SACS: variants seen among roughly 807,000 people sequenced by gnomAD.
SACS encodes sacsin.
SACS carries 197 observed loss-of-function variants against 348.0 expected under a neutral mutation model. The observed-to-expected ratio is 0.57, with a 90% CI of 0.50 to 0.64. The LOEUF is 0.64. Ranked by LOEUF, SACS falls within the 30% of genes least tolerant of loss-of-function variation. The probability of loss-of-function intolerance (pLI) is 0.00; values close to 1 mark genes in which losing one functional copy is unlikely to be tolerated. For synonymous variants in SACS, 1,985 were observed against 1,910.6 expected, an observed-to-expected ratio of 1.04 and a Z score of -1.02; for missense variants, 4,999 against 5,360.8, an observed-to-expected ratio of 0.93 and a Z score of 2.11.
At position 23,334,048 on chromosome 13, in the gene SACS, T is replaced by A. The variant is rs1411238144; in HGVS notation, c.9828A>T (p.Lys3276Asn). Residue 3276 changes from lysine to asparagine, a missense_variant, in exon 10 of 10, where the codon AAA becomes AAT. Lys to Asn is a moderately conservative substitution (Grantham distance 94). Coordinates refer to ENST00000382292, the MANE Select transcript of SACS (RefSeq NM_014363.6). ...TTGTTCCTGGAAGCAATGCCCAGTCTTTTAGAGTATCAACAACAATGTCAA... is the reference window on the plus strand; with the variant it reads ...TTGTTCCTGGAAGCAATGCCCAGTCATTTAGAGTATCAACAACAATGTCAA... ...PTFDIVVDTL[K>N]DWALLPGTKF... The A allele has an allele frequency of 1.2e-6, 2 of 1,613,844 alleles. No individual in the cohort carries two copies. The highest frequency in any genetic ancestry group is 3.3e-5 in the Admixed American group (2 of 59,992).
chr13:23,394,903 C>T (rs1279666739), intron 2 of SACS, among the ~76,000 whole-genome samples: 1 of 152,210 alleles, frequency 6.6e-6, no homozygotes, highest in Non-Finnish European at 1.5e-5. Flanking sequence ...CTCATCTTAT[C>T]ATTGGATCCT....
chr13:23,375,280 C>T lies in SACS; in HGVS notation c.21-11G>A, dbSNP rs535843172. The T allele has an allele frequency of 2.4e-5, 35 of 1,442,474 alleles. 1 individual carries two copies. The South Asian group carries it at 4.8e-4, about 20-fold the overall frequency. 89.4% of individuals were successfully genotyped at this position (1,442,474 alleles called of 1,614,324 possible). On this transcript the variant is annotated splice_polypyrimidine_tract_variant and intron_variant, in intron 2 of 9. Coordinates refer to ENST00000382292, the MANE Select transcript of SACS (RefSeq NM_014363.6). ...GTCACCGGGACCCACCTGTGGAAAG[C>T]AGAGGGACGCTCAGTCGGGCTGCGG... is the stretch of plus-strand genomic sequence containing the variant.
At chr13:23,357,113 T>A (rs1489236779) in intron 7 of SACS, among the ~76,000 whole-genome samples, 1 of 152,180 alleles carries the variant, frequency 6.6e-6, no homozygotes, top group Non-Finnish European at 1.5e-5. Flanking sequence ...CACACAAATG[T>A]GCTTATTCTC....
At chr13:23,353,931 T>TAA in intron 8 of SACS, 55 bp from the exon 9 acceptor site, 1 of 1,038,000 alleles carries the variant, frequency 9.6e-7, no homozygotes, top group Non-Finnish European at 1.5e-6. Flanking sequence ...TCCAAGATTT[T>TAA]AAAAAAACAA....
intron 2 of SACS, among the ~76,000 whole-genome samples, chr13:23,395,137 A>T (rs905821478): frequency 7.7e-6 from 1 of 129,228 alleles, no homozygotes; most frequent in African/African-American, 2.5e-5. Flanking sequence ...TTCCCTGTTT[A>T]TTAAATATGG....
At chr13:23,423,550 T>C (rs903825369) in intron 1 of SACS, among the ~76,000 whole-genome samples, 2 of 152,184 alleles carry the variant, frequency 1.3e-5, no homozygotes, top group Non-Finnish European at 2.9e-5. Flanking sequence ...GTAATGACAT[T>C]GCAGAGATTA....
At chr13:23,393,688 T>C (rs1374550728) in intron 2 of SACS, among the ~76,000 whole-genome samples, 1 of 152,240 alleles carries the variant, frequency 6.6e-6, no homozygotes, top group Non-Finnish European at 1.5e-5. Context: ...TTCTGAGTGA[T>C]AGGAGTGTCT....
chr13:23,406,111 G>T (rs2137944203), intron 2 of SACS, among the ~76,000 whole-genome samples: 1 of 152,284 alleles, frequency 6.6e-6, no homozygotes, highest in South Asian at 2.1e-4. Context: ...GTTCACAATA[G>T]CAAAGATTGG....
At position 23,329,249 on chromosome 13, in the gene SACS, G is replaced by C. The variant is rs1314813467; in HGVS notation, c.*887C>G. ...CACTACATGCCATATTGAAAGAAAA[G>C]GTTGTTTTTTTTTTAACTGCAGCAC... On this transcript the variant is annotated 3_prime_UTR_variant, in exon 10 of 10. Transcript: ENST00000382292. The C allele has an allele frequency of 1.9e-6, 1 of 514,332 alleles. No homozygotes were observed. Among genetic ancestry groups the C allele is most frequent in the Non-Finnish European group, 3.4e-6 (1 of 292,748 alleles). The allele number at this position is 514,332 out of a possible 1,614,324, so 31.9% of individuals were successfully genotyped here. A position where few individuals can be genotyped will look rare whatever the true frequency, so the allele number is the denominator to read the frequency against.
Position 23,332,011 on chromosome 13 carries a change from A to G in SACS, c.11865T>C (p.His3955=), listed in dbSNP as rs776164773. The change falls in exon 10 of 10, where the codon CAT becomes CAC. Residue 3955 remains histidine (H), a synonymous_variant. Transcript: ENST00000382292. ...GCATTATCAACTTAGTGTGAAATCC[A>G]TGGTCTTTCCCTAAGTAGCACTGGC... ...DLSQCYLGKD[H]GFHTKLIMLF... is the part of the protein sequence containing the mutation. The G allele has an allele frequency of 4.3e-6, 7 of 1,614,118 alleles. No individual in the cohort carries two copies. In the South Asian group the frequency reaches 7.7e-5, roughly 18 times the overall value.
Position 23,358,369 on chromosome 13 carries a change from A to G in SACS, c.570T>C (p.Phe190=). The change falls in exon 7 of 10, where the codon TTT becomes TTC. Residue 190 remains phenylalanine (F), a synonymous_variant. Coordinates refer to ENST00000382292, the MANE Select transcript of SACS (RefSeq NM_014363.6). ...KKDDPLKVGR[F]GIGFNSVYHI... The stretch of plus-strand genomic sequence containing the variant: ...GATAGACAGAATTAAACCCAATTCC[A>G]AATCTTCCGACCTTCAGAGGATCAT... 6.2e-7 allele frequency: 1 copy of G among 1,614,228 alleles called. No homozygotes were observed. Among genetic ancestry groups the G allele is most frequent in the South Asian group, 1.1e-5 (1 of 91,090 alleles).
At position 23,415,232 on chromosome 13, in the gene SACS, A is replaced by G. The variant is rs143756612; in HGVS notation, c.-501-3492T>C. ...TTTTTAGTAGAGACAGGGTTTCACTATGTTAGCCAGGCTGCTCTCGAACTT... is the reference window on the plus strand; with the variant it reads ...TTTTTAGTAGAGACAGGGTTTCACTGTGTTAGCCAGGCTGCTCTCGAACTT... On this transcript the variant is annotated intron_variant, in intron 1 of 9. Transcript: ENST00000382292. Among the ~76,000 whole-genome samples the G allele has an allele frequency of 2.6e-3, 394 of 152,168 alleles. 4 individuals are homozygous for G. Among genetic ancestry groups the G allele is most frequent in the East Asian group, 0.02 (104 of 5,180 alleles).
At chr13:23,348,983 G>A (rs114328115) in intron 9 of SACS, among the ~76,000 whole-genome samples, 4,270 of 152,172 alleles carry the variant, frequency 0.028, 203 homozygotes, top group African/African-American at 0.097. Context: ...AGAAGAGGGC[G>A]CTTGCATGCA....
intron 1 of SACS, among the ~76,000 whole-genome samples, chr13:23,420,868 T>G (rs1873910537): frequency 6.6e-6 from 1 of 152,088 alleles, no homozygotes; most frequent in Non-Finnish European, 1.5e-5. Flanking sequence ...TGGGGCCGGA[T>G]TGTCCATCAG....
In SACS at chr13:23,338,477, T is replaced by C; in HGVS notation, c.5399A>G (p.Gln1800Arg). The C allele has an allele frequency of 6.2e-7, 1 of 1,614,180 alleles. No individual in the cohort carries two copies. Among genetic ancestry groups the C allele is most frequent in the Non-Finnish European group, 8.5e-7 (1 of 1,180,016 alleles). ...AALFEMAKSG[Q>R]SKKPSDELSQ... ...CAACTCATCTGATGGCTTTTTTGAT[T>C]GGCCAGACTTAGCCATTTCAAAGAG... Residue 1800 changes from glutamine to arginine, a missense_variant, in exon 10 of 10, where the codon CAA becomes CGA. Gln to Arg is a conservative substitution (Grantham distance 43). Around this residue, in one of 6 missense-constraint regions of SACS, gnomAD observed 3,156 missense variants for 3,380.1 expected, o/e 0.93. Coordinates refer to ENST00000382292, the MANE Select transcript of SACS (RefSeq NM_014363.6).
chr13:23,373,121 G>T (rs1286348711), intron 3 of SACS, among the ~76,000 whole-genome samples: 1 of 152,154 alleles, frequency 6.6e-6, no homozygotes, highest in East Asian at 1.9e-4. Context: ...ACATCTAGGG[G>T]ACAAGATGAT....
At chr13:23,420,946 CCACTT>C (rs1474391237) in intron 1 of SACS, among the ~76,000 whole-genome samples, 2 of 151,976 alleles carry the variant, frequency 1.3e-5, no homozygotes, top group African/African-American at 4.8e-5. Flanking sequence ...GGCCTGACAT[CCACTT>C]GGGTGTTGGT....
chr13:23,387,800 C>T (rs1426927690), intron 2 of SACS, among the ~76,000 whole-genome samples: 1 of 152,124 alleles, frequency 6.6e-6, no homozygotes, highest in Non-Finnish European at 1.5e-5. Context: ...TTTTTTATTA[C>T]AACATGATCT....
chr13:23,411,111 A>T, intron 2 of SACS, 109 bp downstream of exon 2: 1 of 884,700 alleles, frequency 1.1e-6, no homozygotes, highest in Non-Finnish European at 1.9e-6. Context: ...GTTCACTTTT[A>T]CCTCTCGAGT....
Sources: allele counts gnomAD v4.1 joint callset (sites outside exome capture counted in the v4.1 genomes callset), GRCh38; gene constraint gnomAD v4.1.1; regional missense constraint gnomAD v4.1.1; transcripts MANE v1.5; gene names NCBI Gene and HGNC (gene_info 2026-07-23, HGNC 2026-07-21).